Variants in XRCC5 observed in about 807,000 individuals in gnomAD.
The protein encoded by XRCC5 is DNA repair protein Ku80.
Under a neutral mutation model 95.7 loss-of-function variants are expected in XRCC5, and 12 were observed. The observed-to-expected ratio is 0.13, with a 90% CI of 0.08 to 0.20. The LOEUF is 0.20. Ranked by LOEUF, XRCC5 falls within the 10% of genes least tolerant of loss-of-function variation. The pLI is 1.00. For synonymous variants in XRCC5, 281 were observed against 290.3 expected, an observed-to-expected ratio of 0.97 and a Z score of 0.33; for missense variants, 595 against 873.9, an observed-to-expected ratio of 0.68 and a Z score of 4.02.
At chr2:216,196,001 A>C (rs1396524494) in intron 19 of XRCC5, among the ~76,000 whole-genome samples, 1 of 152,134 alleles carries the variant, frequency 6.6e-6, no homozygotes, top group African/African-American at 2.4e-5. Context: ...TATACACACT[A>C]AGGGAGAGCT....
chr2:216,127,800 T>A (rs1159113418), intron 8 of XRCC5, 126 bp downstream of exon 8: 2 of 1,142,298 alleles, frequency 1.8e-6, no homozygotes, highest in African/African-American at 1.6e-5. Flanking sequence ...TATAACAGTT[T>A]GAAAGGATAA....
intron 4 of XRCC5, 90 bp from the exon 5 acceptor site, chr2:216,118,953 A>G (rs1696751592): frequency 2.1e-5 from 29 of 1,376,254 alleles, no homozygotes; most frequent in Non-Finnish European, 2.7e-5. Flanking sequence ...TCCATTTCTA[A>G]GCTTCTCTCC....
chr2:216,172,625 C>T (rs550580939), intron 16 of XRCC5, among the ~76,000 whole-genome samples: 90 of 152,000 alleles, frequency 5.9e-4, no homozygotes, highest in South Asian at 1.5e-3. Context: ...TGAGGTACTA[C>T]GCCTGGCTCA....
rs1689902294 is a variant in XRCC5 at position 216,204,356 on chromosome 2, C to T, written c.2144C>T (p.Thr715Ile). The T allele has an allele frequency of 1.2e-6, 2 of 1,613,950 alleles. No individual in the cohort carries two copies. Among genetic ancestry groups the T allele is most frequent in the Non-Finnish European group, 1.7e-6 (2 of 1,179,854 alleles). The change falls in exon 20 of 21, where the codon ACA becomes ATA. Residue 715 changes from threonine to isoleucine, a missense_variant. This residue lies in a region of XRCC5 where 309 missense variants were observed against 382.9 expected (regional missense o/e 0.81). Coordinates refer to ENST00000392132, the MANE Select transcript of XRCC5 (RefSeq NM_021141.4). ...CCCAAAGACAAACCAAGTGGAGACA[C>T]AGCAGCTGTATTTGAAGAAGGTGGT... ...LAPKDKPSGD[T>I]AAVFEEGGDV...
chr2:216,180,298 G>A (rs1392206486), intron 16 of XRCC5, among the ~76,000 whole-genome samples: 1 of 152,210 alleles, frequency 6.6e-6, no homozygotes, highest in Non-Finnish European at 1.5e-5. Context: ...GACTATATGG[G>A]TGCAGATGCA....
chr2:216,172,746 C>T (rs207930), intron 16 of XRCC5, among the ~76,000 whole-genome samples: 5 of 151,906 alleles, frequency 3.3e-5, no homozygotes, highest in South Asian at 2.1e-4. Context: ...GGATTACATG[C>T]GTGAGCTGCC....
intron 8 of XRCC5, among the ~76,000 whole-genome samples, chr2:216,129,284 C>T (rs1448694375): frequency 6.6e-6 from 1 of 152,196 alleles, no homozygotes; most frequent in Non-Finnish European, 1.5e-5. Flanking sequence ...CATCTTTTCT[C>T]CTGTCCTCCA....
chr2:216,157,759 A>G (rs757054558), intron 14 of XRCC5, among the ~76,000 whole-genome samples: 7 of 152,254 alleles, frequency 4.6e-5, no homozygotes, highest in African/African-American at 9.6e-5. Context: ...GTGAAAGAAA[A>G]TAAGAAAGGA....
intron 1 of XRCC5, among the ~76,000 whole-genome samples, chr2:216,109,786 C>T (rs1298411649): frequency 6.6e-6 from 1 of 151,888 alleles, no homozygotes; most frequent in East Asian, 1.9e-4. Flanking sequence ...CATTCCACTC[C>T]CTAGCCCCAC....
At chr2:216,168,030 C>A (rs1403916245) in intron 16 of XRCC5, among the ~76,000 whole-genome samples, 4 of 152,060 alleles carry the variant, frequency 2.6e-5, no homozygotes, top group Non-Finnish European at 5.9e-5. Flanking sequence ...CCTGACAATC[C>A]AGGCTTATTT....
At chr2:216,153,656 G>A (rs146252982) in intron 14 of XRCC5, among the ~76,000 whole-genome samples, 1 of 152,312 alleles carries the variant, frequency 6.6e-6, no homozygotes, top group Non-Finnish European at 1.5e-5. Context: ...AGGAGACTCA[G>A]GATTAGAGAA....
Position 216,166,772 on chromosome 2 carries a change from G to A in XRCC5, c.1834+4724G>A, listed in dbSNP as rs41301728. ...AAAAGCCACATTACTTCTTTCCTCC[G>A]GACAATTCCTGCGCGATTATGTCTG... On this transcript the variant is annotated intron_variant, in intron 16 of 20. Coordinates refer to ENST00000392132, the MANE Select transcript of XRCC5 (RefSeq NM_021141.4). Among the ~76,000 whole-genome samples, 186 of 152,146 alleles carry A rather than the reference G, an allele frequency of 1.2e-3. 1 individual carries two copies. Among genetic ancestry groups the A allele is most frequent in the African/African-American group, 4.1e-3 (170 of 41,554 alleles).
At position 216,205,458 on chromosome 2, in the gene XRCC5, T is replaced by C; in HGVS notation, c.*256T>C. 1 of 522,764 alleles carries C rather than the reference T, an allele frequency of 1.9e-6. No individual in the cohort carries two copies. The allele number at this position is 522,764 out of a possible 1,614,324, so 32.4% of individuals were successfully genotyped here. A position where few individuals can be genotyped will look rare whatever the true frequency, so the allele number is the denominator to read the frequency against. On this transcript the variant is annotated 3_prime_UTR_variant, in exon 21 of 21. Coordinates refer to ENST00000392132, the MANE Select transcript of XRCC5 (RefSeq NM_021141.4). Reference sequence around the variant, plus strand: ...TTGGTGTATTATTTTTTCTGTGGTCTTACTGATCTTTGTATATTACATACA... The same window carrying C: ...TTGGTGTATTATTTTTTCTGTGGTCCTACTGATCTTTGTATATTACATACA...
At chr2:216,197,209 A>C (rs1689740288) in intron 19 of XRCC5, among the ~76,000 whole-genome samples, 1 of 152,236 alleles carries the variant, frequency 6.6e-6, no homozygotes, top group Non-Finnish European at 1.5e-5. Flanking sequence ...ACTGAGCCTA[A>C]GCATGAGGAA....
rs998485843 is a variant in XRCC5, at chr2:216,128,237, T to C, written c.937+563T>C. Among the ~76,000 whole-genome samples, 4 of 152,344 alleles carry C rather than the reference T, an allele frequency of 2.6e-5. No homozygotes were observed. The South Asian group carries it at 8.3e-4, about 32-fold the overall frequency. On this transcript the variant is annotated intron_variant, in intron 8 of 20. Coordinates refer to ENST00000392132, the MANE Select transcript of XRCC5 (RefSeq NM_021141.4). ...GACTTAGAAACTAGCTGAGGATATC[T>C]GTATGTTCAAGACCTAAAATTATTA...
intron 16 of XRCC5, among the ~76,000 whole-genome samples, chr2:216,179,254 A>G (rs115779171): frequency 6.6e-6 from 1 of 152,158 alleles, no homozygotes; most frequent in Admixed American, 6.5e-5. Context: ...TTCTCTCTTA[A>G]CAGGGGAGTT....
chr2:216,165,080 A>G (rs758812287), intron 16 of XRCC5, among the ~76,000 whole-genome samples: 25 of 152,292 alleles, frequency 1.6e-4, no homozygotes, highest in Non-Finnish European at 3.5e-4. Context: ...TAAACTGTAA[A>G]ATTGGAGGAG....
intron 14 of XRCC5, among the ~76,000 whole-genome samples, chr2:216,149,451 G>T (rs368834811): frequency 6.6e-6 from 1 of 152,010 alleles, no homozygotes; most frequent in African/African-American, 2.4e-5. Context: ...TTAGTCTATC[G>T]TTCTACACAA....
chr2:216,194,134 CTTCTGCT>C (rs1689671662), intron 18 of XRCC5, among the ~76,000 whole-genome samples: 1 of 152,228 alleles, frequency 6.6e-6, no homozygotes, highest in Admixed American at 6.5e-5. Context: ...ATTTATTGAG[CTTCTGCT>C]ATGTTCTACA....
Sources: gnomAD v4.1 joint callset for allele counts (sites outside exome capture counted in the v4.1 genomes callset) on GRCh38, gnomAD v4.1.1 for gene constraint, gnomAD v4.1.1 regional missense constraint, MANE v1.5 for transcripts, NCBI Gene and HGNC (gene_info 2026-07-23, HGNC 2026-07-21) for gene names.